The following NFX1 variants were observed in gnomAD, a reference collection of about 807,000 sequenced individuals.
NFX1 encodes the protein transcriptional repressor NF-X1.
In NFX1, 69 loss-of-function variants were observed where a neutral mutation model predicts 137.2. The ratio of observed to expected loss-of-function variants is 0.50; its 90% CI spans 0.41 to 0.61. The LOEUF is 0.61. NFX1 is among the 20% of genes least tolerant of loss of function. The pLI is 0.00. For synonymous variants in NFX1, 495 were observed against 474.1 expected (o/e 1.04, Z -0.57); for missense variants, 1,167 against 1,391.0 (o/e 0.84, Z 2.56).
intron 16 of NFX1, 138 bp downstream of exon 16, chr9:33,351,928 G>T: frequency 1.3e-6 from 1 of 770,458 alleles, no homozygotes; most frequent in South Asian, 2.2e-5. Flanking sequence ...GTTAGAGAAA[G>T]GTAGAGTAAG....
chr9:33,328,824 A>G (rs1350104843), intron 10 of NFX1, 146 bp downstream of exon 10: 1 of 595,066 alleles, frequency 1.7e-6, no homozygotes. Context: ...ATAGTGGGAT[A>G]AGGCAAATAT....
intron 12 of NFX1, among the ~76,000 whole-genome samples, chr9:33,338,902 T>C (rs768701973): frequency 1.3e-5 from 2 of 152,300 alleles, no homozygotes; most frequent in African/African-American, 4.8e-5. Context: ...CGGCAGAAGA[T>C]TGTGTGTTGT....
At chr9:33,359,990 G>A (rs1823937701) in intron 19 of NFX1, among the ~76,000 whole-genome samples, 1 of 152,130 alleles carries the variant, frequency 6.6e-6, no homozygotes, top group Admixed American at 6.5e-5. Context: ...GTAATATGAT[G>A]ACTAGTAGTG....
intron 15 of NFX1, 132 bp from the exon 16 acceptor site, chr9:33,351,428 A>T: frequency 1.2e-6 from 1 of 810,086 alleles, no homozygotes; most frequent in South Asian, 1.7e-5. Flanking sequence ...CCTGGGCAAC[A>T]GTGAAACCCT....
chr9:33,332,509 C>A lies in NFX1; in HGVS notation c.2035+7C>A. On this transcript the variant is annotated splice_region_variant and intron_variant, in intron 11 of 23. Coordinates refer to ENST00000379540, the MANE Select transcript of NFX1 (RefSeq NM_002504.6). Reference sequence around the variant, plus strand: ...ACCAGTCTCAAAAGTGAAGGTATGACTGGGGTGGGGCATGAGGGAATTTCT... The same window carrying A: ...ACCAGTCTCAAAAGTGAAGGTATGAATGGGGTGGGGCATGAGGGAATTTCT... The A allele has an allele frequency of 6.4e-7, 1 of 1,572,254 alleles. No individual in the cohort carries two copies. The highest frequency in any genetic ancestry group is 8.7e-7 in the Non-Finnish European group (1 of 1,155,292).
intron 1 of NFX1, among the ~76,000 whole-genome samples, chr9:33,291,227 G>A (rs1821149501): frequency 6.6e-6 from 1 of 152,214 alleles, no homozygotes; most frequent in African/African-American, 2.4e-5. Flanking sequence ...TCCTCAGGGT[G>A]TTCCATAGAT....
chr9:33,300,833 C>T (rs1821535152), intron 2 of NFX1, among the ~76,000 whole-genome samples: 1 of 152,232 alleles, frequency 6.6e-6, no homozygotes, highest in African/African-American at 2.4e-5. Flanking sequence ...GGAACCTGCC[C>T]AGACTTGGGC....
At chr9:33,318,689 T>C (rs1423105589) in intron 7 of NFX1, 42 bp from the exon 8 acceptor site, 1 of 1,538,858 alleles carries the variant, frequency 6.5e-7, no homozygotes. Context: ...TAAGAACCCA[T>C]ACATGTTACT....
chr9:33,350,140 C>T (rs925767664), intron 15 of NFX1, among the ~76,000 whole-genome samples: 1 of 151,862 alleles, frequency 6.6e-6, no homozygotes, highest in African/African-American at 2.4e-5. Context: ...CCTGTCTCTA[C>T]TAAAAATACA....
chr9:33,297,631 G>A (rs1387618540), intron 2 of NFX1, among the ~76,000 whole-genome samples: 1 of 152,154 alleles, frequency 6.6e-6, no homozygotes, highest in Non-Finnish European at 1.5e-5. Flanking sequence ...GTTGTTGGTA[G>A]GATTCAGTTC....
intron 4 of NFX1, among the ~76,000 whole-genome samples, chr9:33,304,944 C>T (rs183739482): frequency 6.6e-6 from 1 of 152,292 alleles, no homozygotes; most frequent in African/African-American, 2.4e-5. Flanking sequence ...AGATGAGAGA[C>T]TCTAAGGCAG....
intron 9 of NFX1, among the ~76,000 whole-genome samples, chr9:33,323,763 A>G (rs577321902): frequency 6.6e-6 from 1 of 151,206 alleles, no homozygotes; most frequent in African/African-American, 2.4e-5. Flanking sequence ...AAAAAAAAAA[A>G]CAAACAAAAA....
rs748721204 is a variant in NFX1 at position 33,295,274 on chromosome 9, A to C, written c.880A>C (p.Thr294Pro). ...CCTCAATGAAAGACCAGCAAAATCTACCTGTGACAGTGAGAACTTGGCAGT... is the reference window on the plus strand; with the variant it reads ...CCTCAATGAAAGACCAGCAAAATCTCCCTGTGACAGTGAGAACTTGGCAGT... ...DDLNERPAKS[T>P]CDSENLAVIN... The change falls in exon 2 of 24, where the codon ACC becomes CCC. Residue 294 changes from threonine (T) to proline (P), a missense_variant. Coordinates refer to ENST00000379540, the MANE Select transcript of NFX1 (RefSeq NM_002504.6). The C allele has an allele frequency of 1.9e-6, 3 of 1,614,066 alleles. No individual in the cohort carries two copies. Among genetic ancestry groups the C allele is most frequent in the East Asian group, 4.5e-5 (2 of 44,872 alleles).
At chr9:33,311,291 T>G (rs1438197977) in intron 6 of NFX1, 114 bp downstream of exon 6, 1 of 970,822 alleles carries the variant, frequency 1.0e-6, no homozygotes, top group Non-Finnish European at 1.6e-6. Flanking sequence ...TAGGCATGAA[T>G]AGTACTTTTT....
chr9:33,314,377 T>A (rs963604646), intron 7 of NFX1, among the ~76,000 whole-genome samples: 3 of 152,086 alleles, frequency 2.0e-5, no homozygotes, highest in African/African-American at 7.2e-5. Context: ...ACCAAAATAA[T>A]CTTTTTAAAA....
At chr9:33,335,262 C>CTTTTTTTTTTTTTT (rs1822960441) in intron 11 of NFX1, among the ~76,000 whole-genome samples, 1 of 117,320 alleles carries the variant, frequency 8.5e-6, no homozygotes, top group African/African-American at 4.1e-5. Context: ...CGGAGTTTTG[C>CTTTTTTTTTTTTTT]TCTTGTTGCC....
chr9:33,365,881 A>T (rs1375546346), intron 21 of NFX1: 1 of 152,214 alleles, frequency 6.6e-6, no homozygotes, highest in African/African-American at 2.4e-5. Flanking sequence ...ACTCCTTCAG[A>T]AGAGGGAGAC....
chr9:33,356,191 A>G (rs1176201029), intron 19 of NFX1, among the ~76,000 whole-genome samples: 1 of 152,198 alleles, frequency 6.6e-6, no homozygotes. Context: ...GTATAACAAG[A>G]TGTCATTGAG....
intron 15 of NFX1, among the ~76,000 whole-genome samples, chr9:33,350,131 C>T (rs967221739): frequency 2.6e-5 from 4 of 152,010 alleles, no homozygotes; most frequent in African/African-American, 9.7e-5. Flanking sequence ...TAGTGAAACC[C>T]TGTCTCTACT....
Sources: gnomAD v4.1 joint callset for allele counts (sites outside exome capture counted in the v4.1 genomes callset) on GRCh38, gnomAD v4.1.1 for gene constraint, MANE v1.5 for transcripts, NCBI Gene and HGNC (gene_info 2026-07-23, HGNC 2026-07-21) for gene names.